PLCH1: variants seen among roughly 807,000 people sequenced by gnomAD.
PLCH1 encodes 1-phosphatidylinositol 4,5-bisphosphate phosphodiesterase eta-1.
In PLCH1, 60 loss-of-function variants were observed where a neutral mutation model predicts 126.7. The observed-to-expected ratio is 0.47, with a 90% confidence interval of 0.38 to 0.59. PLCH1 has a LOEUF of 0.59. Among genes scored for constraint, PLCH1 ranks in the 20% least tolerant of loss-of-function variants. PLCH1 has a pLI of 0.00. For synonymous variants in PLCH1, 719 were observed against 734.9 expected, an observed-to-expected ratio of 0.98 and a Z score of 0.35; for missense variants, 1,723 against 2,040.0, an observed-to-expected ratio of 0.84 and a Z score of 2.99.
At chr3:155,671,371 A>AT (rs1743429863) in intron 2 of PLCH1, among the ~76,000 whole-genome samples, 2 of 152,186 alleles carry the variant, frequency 1.3e-5, no homozygotes, top group Admixed American at 1.3e-4. Flanking sequence ...TTTTCCTCTG[A>AT]TGCTATGTTC....
At chr3:155,531,969 T>C (rs1481997136) in intron 10 of PLCH1, among the ~76,000 whole-genome samples, 1 of 152,390 alleles carries the variant, frequency 6.6e-6, no homozygotes, top group East Asian at 1.9e-4. Context: ...TTTGCTTTCC[T>C]ATCATTGTGT....
chr3:155,621,050 G>T (rs1269139256), intron 2 of PLCH1, among the ~76,000 whole-genome samples: 1 of 152,180 alleles, frequency 6.6e-6, no homozygotes, highest in Admixed American at 6.5e-5. Context: ...CTGGGACAAA[G>T]CTTCCAGAGG....
chr3:155,554,325 A>G, intron 8 of PLCH1, 129 bp from the exon 9 acceptor site: 1 of 790,280 alleles, frequency 1.3e-6, no homozygotes, highest in Non-Finnish European at 2.0e-6. Context: ...CAAAGACGTG[A>G]CACAGACACA....
intron 4 of PLCH1, among the ~76,000 whole-genome samples, chr3:155,593,385 A>G (rs1388343847): frequency 1.3e-5 from 2 of 152,210 alleles, no homozygotes; most frequent in East Asian, 3.8e-4. Flanking sequence ...TCAAGCAATT[A>G]AGAGAGGGTA....
chr3:155,585,882 C>T (rs918945836), intron 5 of PLCH1, among the ~76,000 whole-genome samples, 183 bp downstream of exon 5: 8 of 152,056 alleles, frequency 5.3e-5, no homozygotes, highest in Admixed American at 3.9e-4. Context: ...AAATTTTGGA[C>T]GAATGTTAAA....
chr3:155,578,675 C>T (rs141859500), intron 6 of PLCH1, among the ~76,000 whole-genome samples: 154 of 152,290 alleles, frequency 1.0e-3, no homozygotes, highest in African/African-American at 3.6e-3. Flanking sequence ...CACACTATGA[C>T]AGACTTGGAG....
chr3:155,491,834 T>TAATC lies in PLCH1; in HGVS notation c.2307+891_2307+894dup, dbSNP rs754739270. ...GCCTTGATCTGGGTGGCATAATAAT[T>TAATC]AATCAAGCTATGCATGTTTGATTCT... is the stretch of plus-strand genomic sequence containing the variant. On this transcript the variant is annotated intron_variant, in intron 18 of 22. Transcript: ENST00000460012. 2.3e-3 allele frequency among the ~76,000 whole-genome samples: 357 copies of TAATC among 152,260 alleles called. 4 individuals are homozygous for TAATC. The highest frequency in any genetic ancestry group is 2.3e-3 in the Non-Finnish European group (158 of 68,020).
intron 1 of PLCH1, chr3:155,742,458 G>C (rs1324856296): frequency 1.3e-5 from 2 of 152,038 alleles, no homozygotes; most frequent in African/African-American, 4.8e-5. Flanking sequence ...TCCTCGCTCT[G>C]CCCATCAACC....
At chr3:155,461,977 A>T (rs867896909) in intron 21 of PLCH1, among the ~76,000 whole-genome samples, 2 of 152,216 alleles carry the variant, frequency 1.3e-5, no homozygotes, top group Non-Finnish European at 2.9e-5. Context: ...CAATTATTCC[A>T]AATGAAGCAT....
At chr3:155,632,947 G>A (rs1271200366) in intron 2 of PLCH1, among the ~76,000 whole-genome samples, 1 of 151,678 alleles carries the variant, frequency 6.6e-6, no homozygotes, top group East Asian at 2.0e-4. Context: ...TTCTGAAAAA[G>A]AAAAATCACT....
Position 155,744,902 on chromosome 3 carries a change from C to T in PLCH1, c.-103G>A, listed in dbSNP as rs1020957844. 3.9e-5 allele frequency: 6 copies of T among 152,416 alleles called. No individual in the cohort carries two copies. Among genetic ancestry groups the T allele is most frequent in the African/African-American group, 1.4e-4 (6 of 41,450 alleles). The allele number at this position is 152,416 out of a possible 1,614,324, so 9.4% of individuals were successfully genotyped here. A position where few individuals can be genotyped will look rare whatever the true frequency, so the allele number is the denominator to read the frequency against. On this transcript the variant is annotated 5_prime_UTR_variant, in exon 1 of 23. In the 5' UTR this introduces an upstream ATG that the reference lacks. Transcript: ENST00000460012. ...TCGGAGTCCGTGGCACAAGGAGCCA[C>T]CTCCGAAGTGCTGGGGTGATGAGTT...
Position 155,488,652 on chromosome 3 carries a change from A to G in PLCH1, c.2539+8T>C. On this transcript the variant is annotated splice_region_variant and intron_variant, in intron 20 of 22. Coordinates refer to ENST00000460012, the MANE Select transcript of PLCH1 (RefSeq NM_014996.4). ...CAGTCTAGAGAGAAAAGGCCAGCTC[A>G]TACCTACCAGGCACTAAGCTGCTGA... 1.2e-6 allele frequency: 2 copies of G among 1,607,744 alleles called. No homozygotes were observed. The highest frequency in any genetic ancestry group is 1.7e-6 in the Non-Finnish European group (2 of 1,177,702).
rs1161751854 is a variant in PLCH1 at position 155,550,030 on chromosome 3, G to T, written c.1191-72C>A. ...CACAGGGACTTTTGAAAATGATTCAGTATTCACTGTGTTGTTACAATCCTA... is the reference window on the plus strand; with the variant it reads ...CACAGGGACTTTTGAAAATGATTCATTATTCACTGTGTTGTTACAATCCTA... On this transcript the variant is annotated intron_variant, in intron 9 of 22. Coordinates refer to ENST00000460012, the MANE Select transcript of PLCH1 (RefSeq NM_014996.4). 2.8e-6 allele frequency: 3 copies of T among 1,065,732 alleles called. No homozygotes were observed. The Admixed American group carries it at 6.3e-5, about 22-fold the overall frequency. 66.0% of individuals were successfully genotyped at this position (1,065,732 alleles called of 1,614,324 possible).
chr3:155,568,754 C>CTGTGTGTGTGTGTGTGTGTGTGTG (rs3068946), intron 6 of PLCH1, among the ~76,000 whole-genome samples: 184 of 147,280 alleles, frequency 1.2e-3, no homozygotes, highest in African/African-American at 3.8e-3. Flanking sequence ...AAATGTACCT[C>CTGTGTGTGTGTGTGTGTGTGTGTG]TGTGTGTGTG....
intron 2 of PLCH1, among the ~76,000 whole-genome samples, chr3:155,703,104 T>C (rs1370223503): frequency 6.6e-6 from 1 of 152,244 alleles, no homozygotes; most frequent in Non-Finnish European, 1.5e-5. Context: ...GAAATCACTC[T>C]CTACTTTACA....
At chr3:155,676,743 T>A (rs541791937) in intron 2 of PLCH1, among the ~76,000 whole-genome samples, 2 of 152,228 alleles carry the variant, frequency 1.3e-5, no homozygotes, top group African/African-American at 4.8e-5. Context: ...CACACAAACA[T>A]AGCAATGATC....
chr3:155,719,695 A>T (rs1747799383), intron 1 of PLCH1, among the ~76,000 whole-genome samples: 1 of 152,050 alleles, frequency 6.6e-6, no homozygotes, highest in Non-Finnish European at 1.5e-5. Flanking sequence ...TTAGTAAAAA[A>T]AAAAAAGAAT....
intron 10 of PLCH1, among the ~76,000 whole-genome samples, chr3:155,540,991 G>A (rs1451214452): frequency 6.6e-6 from 1 of 152,150 alleles, no homozygotes; most frequent in Non-Finnish European, 1.5e-5. Flanking sequence ...CAGCCCAAAT[G>A]CCCATCAATC....
Position 155,697,761 on chromosome 3 carries a change from G to A in PLCH1, c.79+6385C>T, listed in dbSNP as rs183602807. ...GCCAGAGGAAACTGACAGCAGAGAA[G>A]GCATGAGGCTGAAGCAAGATGGCAG... On this transcript the variant is annotated intron_variant, in intron 2 of 22. Transcript: ENST00000460012. Among the ~76,000 whole-genome samples the A allele has an allele frequency of 6.7e-3, 1,021 of 152,338 alleles. 6 individuals carry two copies. The highest frequency in any genetic ancestry group is 0.022 in the South Asian group (105 of 4,824).
Sources: allele counts gnomAD v4.1 joint callset (sites outside exome capture counted in the v4.1 genomes callset), GRCh38; gene constraint gnomAD v4.1.1; transcripts MANE v1.5; gene names NCBI Gene and HGNC (gene_info 2026-07-23, HGNC 2026-07-21).